PPP4R4: variants seen among roughly 807,000 people sequenced by gnomAD.
The protein encoded by PPP4R4 is protein phosphatase 4 regulatory subunit 4, also known as serine/threonine-protein phosphatase 4 regulatory subunit 4.
Under a neutral mutation model 121.8 loss-of-function variants are expected in PPP4R4, and 70 were observed. The observed-to-expected ratio is 0.57, with a 90% CI of 0.47 to 0.70. The LOEUF (loss-of-function observed/expected upper bound fraction) is 0.70. Among genes scored for constraint, PPP4R4 ranks in the 30% least tolerant of loss-of-function variants. The probability of loss-of-function intolerance (pLI) is 0.00; values close to 1 mark genes in which losing one functional copy is unlikely to be tolerated. For missense variants in PPP4R4, 875 were observed against 1,033.6 expected (o/e 0.85, Z 2.10); for synonymous variants, 348 against 355.7 (o/e 0.98, Z 0.24).
intron 2 of PPP4R4, among the ~76,000 whole-genome samples, chr14:94,201,935 T>TATATATATAAATATATATATATAC (rs1555448561): frequency 3.5e-4 from 52 of 148,912 alleles, no homozygotes; most frequent in African/African-American, 9.6e-4. Flanking sequence ...TGTGTGTGTG[T>TATATATATAAATATATATATATAC]ATATATATAA....
intron 2 of PPP4R4, among the ~76,000 whole-genome samples, chr14:94,195,853 T>G (rs1163942469): frequency 6.6e-6 from 1 of 152,134 alleles, no homozygotes; most frequent in Non-Finnish European, 1.5e-5. Flanking sequence ...AAATTAATTA[T>G]AGAAATTAAA....
Position 94,242,413 on chromosome 14 carries a change from G to A in PPP4R4, c.1266+5G>A. The stretch of plus-strand genomic sequence containing the variant: ...ATTGCTATTTGCTTTTATGAAGTAA[G>A]TCTGAAGACTTGATATCACTTTACG... On this transcript the variant is annotated splice_donor_5th_base_variant and intron_variant, in intron 11 of 24. Coordinates refer to ENST00000304338, the MANE Select transcript of PPP4R4 (RefSeq NM_058237.2). 6.2e-7 allele frequency: 1 copy of A among 1,606,684 alleles called. No homozygotes were observed. Among genetic ancestry groups the A allele is most frequent in the Middle Eastern group, 1.7e-4 (1 of 6,042 alleles).
intron 16 of PPP4R4, among the ~76,000 whole-genome samples, chr14:94,255,600 C>CAA (rs199694473): frequency 4.6e-4 from 59 of 127,364 alleles, no homozygotes; most frequent in Admixed American, 1.6e-3. Flanking sequence ...GACTCTGTCT[C>CAA]AAAAAAAAAA....
chr14:94,204,545 A>G (rs567548354), intron 2 of PPP4R4, among the ~76,000 whole-genome samples: 1 of 152,194 alleles, frequency 6.6e-6, no homozygotes, highest in Admixed American at 6.5e-5. Flanking sequence ...CCTCTTTTTC[A>G]AAATTGTTTC....
At chr14:94,255,754 A>C (rs931483855) in intron 16 of PPP4R4, among the ~76,000 whole-genome samples, 1 of 152,226 alleles carries the variant, frequency 6.6e-6, no homozygotes, top group Non-Finnish European at 1.5e-5. Context: ...GCTGCAGTCT[A>C]ATTTCAACAC....
At chr14:94,176,862 C>G (rs912461004) in intron 2 of PPP4R4, among the ~76,000 whole-genome samples, 1 of 152,136 alleles carries the variant, frequency 6.6e-6, no homozygotes, top group Non-Finnish European at 1.5e-5. Context: ...TGTTCATTAG[C>G]TTACACAACA....
chr14:94,274,750 T>C (rs1362097017), intron 23 of PPP4R4, among the ~76,000 whole-genome samples: 2 of 152,268 alleles, frequency 1.3e-5, no homozygotes, highest in Non-Finnish European at 1.5e-5. Flanking sequence ...AAGTTAAATA[T>C]ATATTTAGTC....
chr14:94,251,908 A>G lies in PPP4R4; in HGVS notation c.1865+12A>G, dbSNP rs2139600786. The G allele has an allele frequency of 6.4e-7, 1 of 1,556,696 alleles. No homozygotes were observed. Among genetic ancestry groups the G allele is most frequent in the South Asian group, 1.2e-5 (1 of 83,240 alleles). ...GTAGCAAATGTGAGGTATGTTATCA[A>G]TGAAGGAAAATATTGGAAATTGTAT... On this transcript the variant is annotated intron_variant, in intron 16 of 24. Coordinates refer to ENST00000304338, the MANE Select transcript of PPP4R4 (RefSeq NM_058237.2).
At chr14:94,275,196 C>T (rs1189330580) in intron 23 of PPP4R4, among the ~76,000 whole-genome samples, 178 bp from the exon 24 acceptor site, 1 of 152,160 alleles carries the variant, frequency 6.6e-6, no homozygotes, top group Non-Finnish European at 1.5e-5. Context: ...GTGATGACTT[C>T]ATGGGGGTGT....
intron 2 of PPP4R4, among the ~76,000 whole-genome samples, chr14:94,178,841 T>C (rs1208246815): frequency 6.6e-6 from 1 of 152,254 alleles, no homozygotes; most frequent in Non-Finnish European, 1.5e-5. Flanking sequence ...TGATTTTGCG[T>C]ATATTTTTGG....
At chr14:94,219,630 A>T (rs1219216309) in intron 3 of PPP4R4, among the ~76,000 whole-genome samples, 2 of 152,236 alleles carry the variant, frequency 1.3e-5, no homozygotes, top group Admixed American at 6.5e-5. Flanking sequence ...TATCAGAAGG[A>T]TAATAATACA....
At position 94,252,045 on chromosome 14, in the gene PPP4R4, G is replaced by A. The variant is rs990878839; in HGVS notation, c.1865+149G>A. ...AATTCTTAGTATTCATAATTGATGG[G>A]CATCAGTAAGACTTGGAAGCATACT... is the stretch of plus-strand genomic sequence containing the variant. On this transcript the variant is annotated intron_variant, in intron 16 of 24. Transcript: ENST00000304338. 5 of 615,274 alleles carry A rather than the reference G, an allele frequency of 8.1e-6. No individual in the cohort carries two copies. In the African/African-American group the frequency reaches 9.6e-5, roughly 12 times the overall value. The allele number at this position is 615,274 out of a possible 1,614,324, so 38.1% of individuals were successfully genotyped here.
At chr14:94,211,068 G>T (rs1216499976) in intron 3 of PPP4R4, among the ~76,000 whole-genome samples, 1 of 152,080 alleles carries the variant, frequency 6.6e-6, no homozygotes, top group Non-Finnish European at 1.5e-5. Flanking sequence ...TTTTTTAAAA[G>T]AAAGTAATCT....
chr14:94,278,551 T>C, intron 24 of PPP4R4, 68 bp from the exon 25 acceptor site: 1 of 1,066,108 alleles, frequency 9.4e-7, no homozygotes, highest in Non-Finnish European at 1.4e-6. Flanking sequence ...TATTTTTTTC[T>C]TTTTCTCCCT....
chr14:94,185,932 G>C (rs1889253101), intron 2 of PPP4R4, among the ~76,000 whole-genome samples: 1 of 152,116 alleles, frequency 6.6e-6, no homozygotes, highest in Non-Finnish European at 1.5e-5. Flanking sequence ...AAAGCCACTG[G>C]TATCTCTTTG....
chr14:94,220,824 C>T (rs184385898), intron 3 of PPP4R4, among the ~76,000 whole-genome samples: 6 of 152,114 alleles, frequency 3.9e-5, no homozygotes, highest in Admixed American at 1.3e-4. Flanking sequence ...CAGATCAATG[C>T]GTATATTTAA....
chr14:94,226,134 G>A (rs574351605), intron 3 of PPP4R4, among the ~76,000 whole-genome samples: 36 of 152,176 alleles, frequency 2.4e-4, no homozygotes, highest in African/African-American at 8.4e-4. Context: ...AATTTATTAC[G>A]TTTAAAAATG....
intron 17 of PPP4R4, 102 bp downstream of exon 17, chr14:94,256,706 T>C (rs952481012): frequency 4.1e-5 from 48 of 1,160,600 alleles, no homozygotes; most frequent in Non-Finnish European, 5.4e-5. Flanking sequence ...TATTACAATA[T>C]TTTTATCCTT....
chr14:94,184,388 A>G (rs1889147696), intron 2 of PPP4R4, among the ~76,000 whole-genome samples: 1 of 148,876 alleles, frequency 6.7e-6, no homozygotes, highest in Non-Finnish European at 1.5e-5. Flanking sequence ...CCTCCTGAGT[A>G]GCTGAGACTA....
Sources: gnomAD v4.1 joint callset for allele counts (sites outside exome capture counted in the v4.1 genomes callset) on GRCh38, gnomAD v4.1.1 for gene constraint, MANE v1.5 for transcripts, NCBI Gene and HGNC (gene_info 2026-07-23, HGNC 2026-07-21) for gene names.